MLLT10: variants seen among roughly 807,000 people sequenced by gnomAD.
MLLT10 encodes the protein MLLT10 histone lysine methyltransferase DOT1L cofactor, also known as protein AF-10.
A neutral mutation model predicts 129.1 loss-of-function variants in MLLT10; 30 were observed. That is an observed-to-expected ratio of 0.23 (90% CI 0.17 to 0.32). The LOEUF (loss-of-function observed/expected upper bound fraction) is 0.32, where lower values mean the gene tolerates loss of function less well. Among genes scored for constraint, MLLT10 ranks in the 10% least tolerant of loss-of-function variants. The probability of loss-of-function intolerance (pLI) is 1.00; values close to 1 mark genes in which losing one functional copy is unlikely to be tolerated. For missense variants in MLLT10, 1,119 were observed against 1,268.3 expected (o/e 0.88, Z 1.79); for synonymous variants, 490 against 446.4 (o/e 1.10, Z -1.23).
chr10:21,615,035 G>A (rs895414513), intron 7 of MLLT10, 111 bp downstream of exon 7: 57 of 783,538 alleles, frequency 7.3e-5, no homozygotes, highest in Non-Finnish European at 1.0e-4. Context: ...TGAGTTTTTG[G>A]CTGGAGATTG....
intron 13 of MLLT10, among the ~76,000 whole-genome samples, chr10:21,687,202 C>T (rs1046565131): frequency 2.0e-5 from 3 of 152,090 alleles, no homozygotes; most frequent in Admixed American, 1.3e-4. Context: ...GATGAGTATA[C>T]GTATAAATGC....
At chr10:21,727,815 G>A (rs1037633486) in intron 15 of MLLT10, 41 bp from the exon 16 acceptor site, 1 of 1,518,136 alleles carries the variant, frequency 6.6e-7, no homozygotes, top group South Asian at 1.1e-5. Context: ...CTCTTATCTA[G>A]TGAGAGTCAC....
intron 7 of MLLT10, among the ~76,000 whole-genome samples, chr10:21,615,744 T>A (rs1351103772): frequency 3.9e-5 from 6 of 152,134 alleles, no homozygotes. Flanking sequence ...CAGAAAAATA[T>A]ATTTAAATAC....
chr10:21,552,388 C>CTTTTTTT (rs1225893534), intron 3 of MLLT10, among the ~76,000 whole-genome samples: 5 of 112,100 alleles, frequency 4.5e-5, no homozygotes, highest in Non-Finnish European at 7.4e-5. Context: ...CTTCTTATTG[C>CTTTTTTT]TTTTTTTTTT....
intron 8 of MLLT10, among the ~76,000 whole-genome samples, chr10:21,627,821 C>T (rs2046604891): frequency 6.6e-6 from 1 of 152,042 alleles, no homozygotes; most frequent in Non-Finnish European, 1.5e-5. Context: ...TAACTTATTT[C>T]TGTACTCCTG....
chr10:21,588,390 A>G (rs570478273), intron 4 of MLLT10, among the ~76,000 whole-genome samples: 1 of 152,216 alleles, frequency 6.6e-6, no homozygotes, highest in South Asian at 2.1e-4. Context: ...TTGTTTCAGT[A>G]TAGAGCTTTT....
chr10:21,661,882 T>C (rs960640830), intron 9 of MLLT10: 1 of 152,236 alleles, frequency 6.6e-6, no homozygotes, highest in Non-Finnish European at 1.5e-5. Context: ...AAGGTGATTA[T>C]TGATATAATT....
intron 10 of MLLT10, among the ~76,000 whole-genome samples, chr10:21,671,812 G>C (rs115277937): frequency 0.028 from 4,202 of 152,106 alleles, 193 homozygotes; most frequent in African/African-American, 0.095. Context: ...AATTAGCCAG[G>C]CTTGGTGATG....
intron 9 of MLLT10, among the ~76,000 whole-genome samples, chr10:21,664,968 T>TA (rs1251913685): frequency 7.1e-6 from 1 of 141,292 alleles, no homozygotes; most frequent in Non-Finnish European, 1.5e-5. Flanking sequence ...TTTTTTGAGA[T>TA]AGAGTCTCGC....
At chr10:21,622,932 T>C (rs891482341) in intron 8 of MLLT10, among the ~76,000 whole-genome samples, 2 of 152,174 alleles carry the variant, frequency 1.3e-5, no homozygotes, top group Non-Finnish European at 2.9e-5. Context: ...ACCTTCTCCT[T>C]AGATTAGGTA....
intron 3 of MLLT10, among the ~76,000 whole-genome samples, chr10:21,541,947 G>A (rs1226378642): frequency 6.6e-6 from 1 of 152,168 alleles, no homozygotes; most frequent in Non-Finnish European, 1.5e-5. Context: ...TTTGGGACTT[G>A]GTGAAATCTT....
chr10:21,599,576 G>T (rs2043328850), intron 5 of MLLT10, among the ~76,000 whole-genome samples: 1 of 151,758 alleles, frequency 6.6e-6, no homozygotes, highest in South Asian at 2.1e-4. Context: ...TTACTTATTT[G>T]ATCAAAGTGA....
chr10:21,553,325 A>ATTT (rs570855470), intron 3 of MLLT10, among the ~76,000 whole-genome samples: 1 of 140,298 alleles, frequency 7.1e-6, no homozygotes, highest in Non-Finnish European at 1.6e-5. Flanking sequence ...AGCAGTTCTA[A>ATTT]TTTTTTTTTT....
At chr10:21,711,707 G>A (rs7922770) in intron 13 of MLLT10, among the ~76,000 whole-genome samples, 2 of 151,786 alleles carry the variant, frequency 1.3e-5, no homozygotes, top group African/African-American at 4.8e-5. Context: ...ATTGCACCAC[G>A]GCACTCCAGC....
intron 8 of MLLT10, among the ~76,000 whole-genome samples, chr10:21,638,249 C>CT (rs1342721807): frequency 1.8e-5 from 2 of 110,418 alleles, no homozygotes; most frequent in Non-Finnish European, 3.3e-5. Context: ...ATATATTCTT[C>CT]TTTTTGGTGG....
chr10:21,735,789 G>A (rs948445078), intron 21 of MLLT10, among the ~76,000 whole-genome samples: 12 of 152,290 alleles, frequency 7.9e-5, no homozygotes, highest in Middle Eastern at 3.4e-3. Flanking sequence ...AGAGAAGTCA[G>A]CAGCCATGTG....
At chr10:21,718,161 A>C (rs1475506436) in intron 14 of MLLT10, among the ~76,000 whole-genome samples, 1 of 151,844 alleles carries the variant, frequency 6.6e-6, no homozygotes, top group Non-Finnish European at 1.5e-5. Flanking sequence ...TTATATTCTT[A>C]AGTGTTAAAC....
chr10:21,560,741 A>G (rs561010318), intron 3 of MLLT10, among the ~76,000 whole-genome samples: 3 of 152,296 alleles, frequency 2.0e-5, no homozygotes, highest in South Asian at 2.1e-4. Context: ...GAGCCATGAC[A>G]TCTGGTCTAT....
intron 3 of MLLT10, among the ~76,000 whole-genome samples, chr10:21,557,469 G>A (rs909921386): frequency 3.3e-5 from 5 of 152,094 alleles, no homozygotes; most frequent in African/African-American, 1.2e-4. Context: ...TGGTTACCAG[G>A]CAGCCTAGAA....
Sources: gnomAD v4.1 joint callset for allele counts (sites outside exome capture counted in the v4.1 genomes callset) on GRCh38, gnomAD v4.1.1 for gene constraint, MANE v1.5 for transcripts, NCBI Gene and HGNC (gene_info 2026-07-23, HGNC 2026-07-21) for gene names.